STXBP5: variants seen among roughly 807,000 people sequenced by gnomAD.
The protein encoded by STXBP5 is syntaxin binding protein 5.
Under a neutral mutation model 152.4 loss-of-function variants are expected in STXBP5, and 50 were observed. The ratio of observed to expected loss-of-function variants is 0.33; its 90% CI spans 0.26 to 0.42. The LOEUF is 0.42. Ranked by LOEUF, STXBP5 falls within the 10% of genes least tolerant of loss-of-function variation. The probability of loss-of-function intolerance (pLI) is 1.00; values close to 1 mark genes in which losing one functional copy is unlikely to be tolerated. For missense variants in STXBP5, 1,167 were observed against 1,388.6 expected, an observed-to-expected ratio of 0.84 and a Z score of 2.54; for synonymous variants, 492 against 494.7, an observed-to-expected ratio of 0.99 and a Z score of 0.07.
chr6:147,308,687 T>C (rs551924502), intron 9 of STXBP5, among the ~76,000 whole-genome samples: 14 of 152,328 alleles, frequency 9.2e-5, no homozygotes, highest in Admixed American at 3.9e-4. Context: ...AAAAGTATTA[T>C]GTACACAAGC....
Position 147,213,432 on chromosome 6 carries a change from ATATGTGTGTGTGTG to A in STXBP5, c.248+7366_248+7379del, listed in dbSNP as rs1320198942. Among the ~76,000 whole-genome samples, 967 of 121,050 alleles carry A rather than the reference ATATGTGTGTGTGTG, an allele frequency of 8.0e-3. 31 individuals carry two copies. Among genetic ancestry groups the A allele is most frequent in the Admixed American group, 0.056 (692 of 12,322 alleles). The allele number at this position is 121,050 out of a possible 152,430, so 79.4% of individuals were successfully genotyped here. A position where few individuals can be genotyped will look rare whatever the true frequency, so the allele number is the denominator to read the frequency against. On this transcript the variant is annotated intron_variant, in intron 2 of 27. Transcript: ENST00000321680. The stretch of plus-strand genomic sequence containing the variant: ...CCTCACCTGGCTCACATAATTTTAT[ATATGTGTGTGTGTG>A]TGTGTGTGTGTGTGTGTGTGTGTGT...
At chr6:147,283,478 G>GAT in intron 8 of STXBP5, among the ~76,000 whole-genome samples, 1 of 152,234 alleles carries the variant, frequency 6.6e-6, no homozygotes, top group East Asian at 1.9e-4. Context: ...AAAGGCGAAG[G>GAT]ATATGATACA....
At chr6:147,219,951 G>A (rs1415856546) in intron 2 of STXBP5, among the ~76,000 whole-genome samples, 3 of 150,824 alleles carry the variant, frequency 2.0e-5, no homozygotes, top group African/African-American at 7.3e-5. Flanking sequence ...TCTTCTTTTT[G>A]TAGTTTCTTA....
intron 3 of STXBP5, 39 bp from the exon 4 acceptor site, chr6:147,239,131 A>G: frequency 6.4e-7 from 1 of 1,554,192 alleles, no homozygotes; most frequent in Non-Finnish European, 8.8e-7. Flanking sequence ...TGTTTATAAA[A>G]TATATTATAC....
intron 2 of STXBP5, among the ~76,000 whole-genome samples, chr6:147,226,671 A>G (rs1377296913): frequency 6.6e-6 from 1 of 152,222 alleles, no homozygotes; most frequent in Non-Finnish European, 1.5e-5. Flanking sequence ...GTTTGTGAGA[A>G]TAATTGAAAA....
intron 9 of STXBP5, among the ~76,000 whole-genome samples, chr6:147,306,911 C>T (rs1276920238): frequency 6.6e-6 from 1 of 152,172 alleles, no homozygotes; most frequent in Non-Finnish European, 1.5e-5. Flanking sequence ...AATATTAATA[C>T]CTATCAGTGT....
chr6:147,270,657 T>C (rs1780121292), intron 7 of STXBP5, among the ~76,000 whole-genome samples: 1 of 152,088 alleles, frequency 6.6e-6, no homozygotes, highest in African/African-American at 2.4e-5. Flanking sequence ...ACAAATGTTA[T>C]GAGATGGAAA....
intron 17 of STXBP5, 37 bp from the exon 18 acceptor site, chr6:147,327,088 G>T (rs1221364494): frequency 5.7e-6 from 9 of 1,589,250 alleles, no homozygotes; most frequent in Admixed American, 5.4e-5. Context: ...GGAATTATTT[G>T]TTTGTGCTAA....
intron 9 of STXBP5, among the ~76,000 whole-genome samples, chr6:147,306,682 G>A (rs145911299): frequency 4.9e-4 from 75 of 152,242 alleles, no homozygotes; most frequent in African/African-American, 1.7e-3. Context: ...CACCCAGCTC[G>A]TTTCTGACCT....
Position 147,359,158 on chromosome 6 carries a change from A to G in STXBP5, c.2380A>G (p.Ile794Val), listed in dbSNP as rs1784946407. The G allele has an allele frequency of 1.2e-5, 19 of 1,614,062 alleles. No individual in the cohort carries two copies. The highest frequency in any genetic ancestry group is 1.6e-5 in the Non-Finnish European group (19 of 1,179,940). The change falls in exon 23 of 28, where the codon ATC (isoleucine) becomes GTC (valine). Residue 794 changes from isoleucine to valine, a missense_variant. Coordinates refer to ENST00000321680, the MANE Select transcript of STXBP5 (RefSeq NM_001127715.4). The part of the protein sequence containing the change: ...TSIDKESREA[I>V]SALHFCETFT... ...CATTGACAAAGAATCCCGAGAAGCG[A>G]TCTCCGCTCTTCATTTCTGTGAAAC...
At chr6:147,253,921 C>T (rs1269544015) in intron 4 of STXBP5, among the ~76,000 whole-genome samples, 1 of 152,138 alleles carries the variant, frequency 6.6e-6, no homozygotes, top group Non-Finnish European at 1.5e-5. Flanking sequence ...CATTGACTTT[C>T]TTCACAGAAT....
intron 18 of STXBP5, among the ~76,000 whole-genome samples, chr6:147,327,858 G>T (rs75971006): frequency 2.2e-3 from 332 of 152,264 alleles, no homozygotes; most frequent in African/African-American, 7.4e-3. Context: ...TATAAAAAAA[G>T]TTACTTTGTA....
rs147251496 is a variant in STXBP5 at position 147,273,761 on chromosome 6, G to C, written c.715-4320G>C. The stretch of plus-strand genomic sequence containing the variant: ...GGTCAGGAGATCGAGACCATCCTGG[G>C]TAACAGGGTGAAACCCCATCTCTAC... On this transcript the variant is annotated intron_variant, in intron 7 of 27. Transcript: ENST00000321680. Among the ~76,000 whole-genome samples the C allele has an allele frequency of 4.1e-3, 625 of 152,064 alleles. 5 individuals carry two copies. The highest frequency in any genetic ancestry group is 0.031 in the Middle Eastern group (9 of 294).
chr6:147,367,363 G>T (rs1785336137), intron 25 of STXBP5, among the ~76,000 whole-genome samples: 1 of 152,186 alleles, frequency 6.6e-6, no homozygotes, highest in Admixed American at 6.5e-5. Flanking sequence ...AAAAGGCCAG[G>T]CGTGGTGGCT....
chr6:147,334,012 C>T (rs1485039464), intron 18 of STXBP5, 145 bp from the exon 19 acceptor site: 3 of 599,188 alleles, frequency 5.0e-6, no homozygotes, highest in Non-Finnish European at 8.2e-6. Flanking sequence ...ATCTCAAACC[C>T]AATGTGCATG....
intron 2 of STXBP5, among the ~76,000 whole-genome samples, chr6:147,209,267 C>A (rs533959310): frequency 1.1e-3 from 161 of 152,200 alleles, no homozygotes; most frequent in African/African-American, 3.7e-3. Flanking sequence ...GAACCTCATT[C>A]ATTGTCTTCT....
At chr6:147,358,867 CAG>C (rs1784930470) in intron 22 of STXBP5, among the ~76,000 whole-genome samples, 1 of 152,008 alleles carries the variant, frequency 6.6e-6, no homozygotes, top group African/African-American at 2.4e-5. Context: ...CTTGCTGTCT[CAG>C]GGGTAGCAGA....
chr6:147,353,483 G>A (rs1784681512), intron 22 of STXBP5, 110 bp downstream of exon 22: 1 of 617,594 alleles, frequency 1.6e-6, no homozygotes, highest in Non-Finnish European at 2.7e-6. Context: ...AGTTTAAAAT[G>A]ACTAAGATGC....
At chr6:147,254,715 A>T (rs1779270189) in intron 4 of STXBP5, among the ~76,000 whole-genome samples, 2 of 152,222 alleles carry the variant, frequency 1.3e-5, no homozygotes, top group Admixed American at 1.3e-4. Context: ...CGTATGAAAA[A>T]AAGGTCATCA....
Sources: allele counts gnomAD v4.1 joint callset (sites outside exome capture counted in the v4.1 genomes callset), GRCh38; gene constraint gnomAD v4.1.1; transcripts MANE v1.5; gene names NCBI Gene and HGNC (gene_info 2026-07-23, HGNC 2026-07-21).